The following LINGO2 variants were observed in gnomAD, a reference collection of about 807,000 sequenced individuals.
LINGO2 encodes leucine rich repeat and Ig domain containing 2, also known as leucine-rich repeat and immunoglobulin-like domain-containing nogo receptor-interacting protein 2.
Under a neutral mutation model 30.6 loss-of-function variants are expected in LINGO2, and 14 were observed. That is an observed-to-expected ratio of 0.46 (90% CI 0.30 to 0.72). The LOEUF is 0.72. Ranked by LOEUF, LINGO2 falls within the 30% of genes least tolerant of loss-of-function variation. The pLI is 0.07. For missense variants in LINGO2, 729 were observed against 751.7 expected (o/e 0.97, Z 0.35); for synonymous variants, 317 against 288.5 (o/e 1.10, Z -1.00).
At chr9:28,056,822 T>C (rs987239458) in intron 4 of LINGO2, among the ~76,000 whole-genome samples, 2 of 152,190 alleles carry the variant, frequency 1.3e-5, no homozygotes, top group African/African-American at 4.8e-5. Flanking sequence ...TGAAGTGTCA[T>C]TGTGTCTTTG....
chr9:28,671,680 G>A (rs961042207), upstream of LINGO2, among the ~76,000 whole-genome samples: 10 of 151,910 alleles, frequency 6.6e-5, no homozygotes, highest in Non-Finnish European at 1.3e-4. Flanking sequence ...TACGTATCAC[G>A]TACTATGCCT....
chr9:28,887,691 G>T, the LINGO2 span, among the ~76,000 whole-genome samples: 1 of 151,938 alleles, frequency 6.6e-6, no homozygotes, highest in African/African-American at 2.4e-5. Flanking sequence ...TTTAGATGTG[G>T]GGCAAAAAGA....
chr9:28,918,104 C>A, the LINGO2 span, among the ~76,000 whole-genome samples: 1 of 151,288 alleles, frequency 6.6e-6, no homozygotes. Context: ...AAAGACATAT[C>A]CGAGACTGGG....
rs190502420 is a variant in LINGO2, at chr9:28,536,452, T to C, written c.-364-60427A>G. The stretch of plus-strand genomic sequence containing the variant: ...AATCACTGCAAAAATATAGCTGCCA[T>C]TGTACATCTACTACTGCTGAGTAAT... On this transcript the variant is annotated intron_variant, in intron 1 of 5. Coordinates refer to ENST00000379992, the Ensembl canonical transcript of LINGO2. Among the ~76,000 whole-genome samples the C allele has an allele frequency of 1.8e-3, 267 of 152,186 alleles. 2 individuals carry two copies. Among genetic ancestry groups the C allele is most frequent in the African/African-American group, 6.1e-3 (253 of 41,554 alleles).
At chr9:27,981,170 C>T (rs375060291) in intron 5 of LINGO2, among the ~76,000 whole-genome samples, 3 of 151,718 alleles carry the variant, frequency 2.0e-5, no homozygotes, top group Non-Finnish European at 4.4e-5. Flanking sequence ...TCCACTGTTT[C>T]CAAAAGCCAG....
At chr9:28,575,618 C>T (rs1410478863) in intron 1 of LINGO2, among the ~76,000 whole-genome samples, 2 of 151,852 alleles carry the variant, frequency 1.3e-5, no homozygotes, top group South Asian at 4.2e-4. Flanking sequence ...GTGACAGGAC[C>T]ACTCATACAC....
chr9:29,213,413 G>C, the LINGO2 span, among the ~76,000 whole-genome samples: 8 of 152,176 alleles, frequency 5.3e-5, no homozygotes, highest in Non-Finnish European at 1.2e-4. Flanking sequence ...CGTCTCCCTG[G>C]GCTGCTGCAG....
At chr9:29,024,560 T>C in the LINGO2 span, among the ~76,000 whole-genome samples, 1 of 152,132 alleles carries the variant, frequency 6.6e-6, no homozygotes, top group Admixed American at 6.6e-5. Flanking sequence ...ATTTTATTGA[T>C]ACTAAATGAT....
intron 4 of LINGO2, among the ~76,000 whole-genome samples, chr9:28,050,085 A>G (rs1824602904): frequency 6.6e-6 from 1 of 150,686 alleles, no homozygotes; most frequent in Non-Finnish European, 1.5e-5. Flanking sequence ...GGGCTTTGTG[A>G]TTAGATTGAG....
At chr9:27,990,251 C>T (rs750383281) in intron 5 of LINGO2, among the ~76,000 whole-genome samples, 8 of 151,280 alleles carry the variant, frequency 5.3e-5, no homozygotes, top group Non-Finnish European at 1.2e-4. Flanking sequence ...TGAGCATTCC[C>T]TGAAGGCAGG....
chr9:28,774,174 A>G, the LINGO2 span, among the ~76,000 whole-genome samples: 1 of 152,134 alleles, frequency 6.6e-6, no homozygotes, highest in African/African-American at 2.4e-5. Context: ...TTTAATTTCA[A>G]TAATAGAGCA....
intron 1 of LINGO2, among the ~76,000 whole-genome samples, chr9:28,669,695 A>G (rs981655550): frequency 6.6e-6 from 1 of 152,064 alleles, no homozygotes; most frequent in Non-Finnish European, 1.5e-5. Context: ...CGTAAGGGCC[A>G]TTAGTACTAG....
the LINGO2 span, among the ~76,000 whole-genome samples, chr9:28,816,264 C>T: frequency 6.6e-6 from 1 of 152,150 alleles, no homozygotes; most frequent in Admixed American, 6.5e-5. Context: ...ACATTTAAAC[C>T]ACAGAAATAA....
intron 1 of LINGO2, among the ~76,000 whole-genome samples, chr9:28,516,500 C>T (rs962865036): frequency 1.3e-5 from 2 of 152,238 alleles, no homozygotes; most frequent in East Asian, 1.9e-4. Flanking sequence ...GTGGTATCTC[C>T]CTGCCTGGGT....
At chr9:28,462,770 A>G (rs963735302) in intron 2 of LINGO2, among the ~76,000 whole-genome samples, 4 of 152,104 alleles carry the variant, frequency 2.6e-5, no homozygotes, top group African/African-American at 9.6e-5. Flanking sequence ...ACAGTGGCTC[A>G]ATGAAGTAAT....
chr9:29,070,653 T>A, the LINGO2 span, among the ~76,000 whole-genome samples: 6 of 151,972 alleles, frequency 3.9e-5, no homozygotes, highest in African/African-American at 4.8e-5. Flanking sequence ...AGTGAAATAT[T>A]TAAGTAGATG....
intron 2 of LINGO2, among the ~76,000 whole-genome samples, chr9:28,424,837 A>T (rs2134901703): frequency 6.6e-6 from 1 of 152,226 alleles, no homozygotes; most frequent in Non-Finnish European, 1.5e-5. Flanking sequence ...AGTGTTGTGC[A>T]GTAGTTAAAT....
At chr9:28,104,258 T>TTTTC (rs1826506434) in intron 4 of LINGO2, among the ~76,000 whole-genome samples, 1 of 132,012 alleles carries the variant, frequency 7.6e-6, no homozygotes, top group Non-Finnish European at 1.6e-5. Context: ...AGTACAAGTT[T>TTTTC]TTTGTTTGTT....
chr9:28,027,501 G>A lies in LINGO2; in HGVS notation c.-86-15096C>T, dbSNP rs188543112. Among the ~76,000 whole-genome samples the A allele has an allele frequency of 5.8e-4, 88 of 152,182 alleles. 1 individual carries two copies. The highest frequency in any genetic ancestry group is 2.1e-3 in the Admixed American group (32 of 15,288). On this transcript the variant is annotated intron_variant, in intron 4 of 5. Coordinates refer to ENST00000379992, the Ensembl canonical transcript of LINGO2. ...CACCTTTTATTTGTAGGGAGCTACG[G>A]CAAATACTGGGGAAGCAAGCATGGG...
Sources: allele counts gnomAD v4.1 joint callset (sites outside exome capture counted in the v4.1 genomes callset), GRCh38; gene constraint gnomAD v4.1.1; transcripts MANE v1.5; gene names NCBI Gene and HGNC (gene_info 2026-07-23, HGNC 2026-07-21).